Variants in HDAC9 observed in about 807,000 individuals in gnomAD.
HDAC9 encodes the protein histone deacetylase 9, also known as MEF-2 interacting transcription repressor (MITR) protein.
Under a neutral mutation model 139.4 loss-of-function variants are expected in HDAC9, and 41 were observed. That is an observed-to-expected ratio of 0.29 (90% CI 0.23 to 0.38). The LOEUF (loss-of-function observed/expected upper bound fraction) is 0.38. HDAC9 is among the 10% of genes least tolerant of loss of function. The pLI, the probability that HDAC9 is intolerant of heterozygous loss-of-function variation, is 1.00. For missense variants in HDAC9, 1,147 were observed against 1,297.0 expected (o/e 0.88, Z 1.78); for synonymous variants, 517 against 476.2 (o/e 1.09, Z -1.12).
At chr7:18,855,645 G>A (rs898813127) in intron 21 of HDAC9, among the ~76,000 whole-genome samples, 8 of 151,896 alleles carry the variant, frequency 5.3e-5, no homozygotes, top group African/African-American at 1.9e-4. Flanking sequence ...TTTAGGCTGT[G>A]GTTGTTAGCC....
intron 22 of HDAC9, among the ~76,000 whole-genome samples, chr7:18,887,163 G>A (rs564318494): frequency 6.6e-6 from 1 of 152,204 alleles, no homozygotes; most frequent in Non-Finnish European, 1.5e-5. Flanking sequence ...ATGGGCTGGA[G>A]AGTCACTATG....
intron 11 of HDAC9, among the ~76,000 whole-genome samples, chr7:18,663,816 T>C (rs373113142): frequency 2.8e-4 from 42 of 152,112 alleles, no homozygotes; most frequent in African/African-American, 9.9e-4. Context: ...TTGTATCTTT[T>C]CTCAGATAAA....
At chr7:18,786,462 C>CTTCCTTTCTTTCT (rs1791733593) in intron 16 of HDAC9, among the ~76,000 whole-genome samples, 1 of 25,762 alleles carries the variant, frequency 3.9e-5, no homozygotes, top group African/African-American at 6.5e-5. Context: ...CCTTTCCTTC[C>CTTCCTTTCTTTCT]TTCCTTTCGT....
chr7:18,290,094 G>A (rs544521789), upstream of HDAC9: 65 of 161,036 alleles, frequency 4.0e-4, no homozygotes, highest in Non-Finnish European at 7.5e-4. Flanking sequence ...CCCAAATTGA[G>A]TATACTTAGA....
chr7:18,187,953 C>T (rs1342819159), intron 2 of HDAC9, among the ~76,000 whole-genome samples: 2 of 152,040 alleles, frequency 1.3e-5, no homozygotes, highest in African/African-American at 2.4e-5. Context: ...AGTGGTATTC[C>T]CATCAAAATA....
chr7:18,220,590 A>G (rs1210720380), intron 2 of HDAC9, among the ~76,000 whole-genome samples: 1 of 152,198 alleles, frequency 6.6e-6, no homozygotes, highest in East Asian at 1.9e-4. Context: ...ACACAGAGAC[A>G]GATAACCATG....
At chr7:18,252,324 A>G (rs1794968705) in intron 2 of HDAC9, among the ~76,000 whole-genome samples, 1 of 152,220 alleles carries the variant, frequency 6.6e-6, no homozygotes, top group Admixed American at 6.5e-5. Flanking sequence ...CAGAGAGCAT[A>G]TCAACCTTCT....
At position 18,663,219 on chromosome 7, in the gene HDAC9, C is replaced by A. The variant is rs147885749; in HGVS notation, c.1468-2994C>A. On this transcript the variant is annotated intron_variant, in intron 11 of 25. Transcript: ENST00000686413. ...TGCAGGGTTACTGATAAAGATAGGT[C>A]TCAGGTAAGGTCATAATGTTGGGGA... 8.1e-4 allele frequency among the ~76,000 whole-genome samples: 123 copies of A among 152,108 alleles called. 2 individuals carry two copies. The East Asian group carries it at 0.019, about 23-fold the overall frequency.
chr7:18,671,674 C>T (rs1433898787), intron 12 of HDAC9, among the ~76,000 whole-genome samples: 2 of 151,938 alleles, frequency 1.3e-5, no homozygotes, highest in Non-Finnish European at 2.9e-5. Context: ...AAAACACTTC[C>T]ATTAACCCCA....
At chr7:18,455,455 A>G (rs1294226679) in intron 1 of HDAC9, among the ~76,000 whole-genome samples, 1 of 152,214 alleles carries the variant, frequency 6.6e-6, no homozygotes, top group African/African-American at 2.4e-5. Flanking sequence ...TGAAATGGAA[A>G]AAGAATTTTG....
intron 6 of HDAC9, among the ~76,000 whole-genome samples, chr7:18,612,567 A>G (rs1837460318): frequency 6.6e-6 from 1 of 152,090 alleles, no homozygotes; most frequent in Non-Finnish European, 1.5e-5. Flanking sequence ...AAAGAAGATG[A>G]GTAGACACAG....
intron 2 of HDAC9, among the ~76,000 whole-genome samples, chr7:18,264,714 G>T (rs1467897061): frequency 6.6e-6 from 1 of 152,152 alleles, no homozygotes; most frequent in Non-Finnish European, 1.5e-5. Flanking sequence ...CATACCTGCT[G>T]TTTGGATTTT....
At chr7:18,902,741 C>T (rs748294845) in intron 22 of HDAC9, among the ~76,000 whole-genome samples, 1 of 152,042 alleles carries the variant, frequency 6.6e-6, no homozygotes, top group Non-Finnish European at 1.5e-5. Flanking sequence ...TGAATTAGCA[C>T]ATAAACAAAT....
chr7:18,754,024 G>A (rs1788673187), intron 14 of HDAC9, among the ~76,000 whole-genome samples: 1 of 152,046 alleles, frequency 6.6e-6, no homozygotes, highest in Non-Finnish European at 1.5e-5. Context: ...TACTAATCCT[G>A]ATTAGTAGCC....
At chr7:18,491,343 G>A (rs1796350242), upstream of HDAC9, among the ~76,000 whole-genome samples, 1 of 151,776 alleles carries the variant, frequency 6.6e-6, no homozygotes, top group Admixed American at 6.6e-5. Flanking sequence ...AGGTATACTA[G>A]CAACAGTCAC....
At chr7:18,447,753 T>C (rs1463381754) in intron 1 of HDAC9, among the ~76,000 whole-genome samples, 2 of 152,350 alleles carry the variant, frequency 1.3e-5, no homozygotes, top group East Asian at 1.9e-4. Flanking sequence ...TTGTGAAATC[T>C]ATGAATTTGA....
At chr7:18,576,529 G>C (rs533646161) in intron 2 of HDAC9, among the ~76,000 whole-genome samples, 40 of 151,970 alleles carry the variant, frequency 2.6e-4, no homozygotes, top group African/African-American at 9.2e-4. Context: ...AGGCATGCTG[G>C]TGCACACCTG....
chr7:18,998,514 G>C lies in HDAC9; in HGVS notation c.*2452G>C, dbSNP rs1314816196. The C allele has an allele frequency of 6.6e-6, 1 of 152,342 alleles. No individual in the cohort carries two copies. The highest frequency in any genetic ancestry group is 1.9e-4 in the East Asian group (1 of 5,192). The allele number at this position is 152,342 out of a possible 1,614,324, so 9.4% of individuals were successfully genotyped here. A position where few individuals can be genotyped will look rare whatever the true frequency, so the allele number is the denominator to read the frequency against. ...AGAGGATTATCCACAGCATGTAGTT[G>C]TAAGAACAGAATGCCATTGCTTTTT... On this transcript the variant is annotated 3_prime_UTR_variant, in exon 26 of 26. Coordinates refer to ENST00000686413, the MANE Select transcript of HDAC9 (RefSeq NM_178425.4).
At chr7:18,990,047 C>T (rs1233590360) in intron 25 of HDAC9, among the ~76,000 whole-genome samples, 6 of 152,146 alleles carry the variant, frequency 3.9e-5, no homozygotes, top group African/African-American at 1.2e-4. Flanking sequence ...GCCTTCTTCT[C>T]TCAGCTCATC....
Sources: gnomAD v4.1 joint callset for allele counts (sites outside exome capture counted in the v4.1 genomes callset) on GRCh38, gnomAD v4.1.1 for gene constraint, MANE v1.5 for transcripts, NCBI Gene and HGNC (gene_info 2026-07-23, HGNC 2026-07-21) for gene names.